RABGAP1: variants seen among roughly 807,000 people sequenced by gnomAD.
The protein encoded by RABGAP1 is RAB GTPase activating protein 1.
In RABGAP1, 23 loss-of-function variants were observed where a neutral mutation model predicts 137.6. The observed-to-expected ratio is 0.17, with a 90% CI of 0.12 to 0.24. The LOEUF (loss-of-function observed/expected upper bound fraction) is 0.24. Among genes scored for constraint, RABGAP1 ranks in the 10% least tolerant of loss-of-function variants. The probability of loss-of-function intolerance (pLI) is 1.00; values close to 1 mark genes in which losing one functional copy is unlikely to be tolerated. For missense variants in RABGAP1, 906 were observed against 1,275.8 expected, an observed-to-expected ratio of 0.71 and a Z score of 4.42; for synonymous variants, 451 against 450.7, an observed-to-expected ratio of 1.00 and a Z score of -0.01.
rs533503596 is a variant in RABGAP1 at position 123,070,032 on chromosome 9, A to G, written c.1909-318A>G. ...AAGGAAGAGTGCATGTTTGAGGCAG[A>G]GAGGGAAAGGACATCCCAAGGAGAG... is the stretch of plus-strand genomic sequence containing the variant. On this transcript the variant is annotated intron_variant, in intron 14 of 25. Coordinates refer to ENST00000373647, the MANE Select transcript of RABGAP1 (RefSeq NM_012197.4). This position sits in a 1 kb window ranked among gnomAD's most constrained non-coding sequence, Gnocchi z 4.4. Among the ~76,000 whole-genome samples, 2 of 152,328 alleles carry G rather than the reference A, an allele frequency of 1.3e-5. No homozygotes were observed. Among genetic ancestry groups the G allele is most frequent in the South Asian group, 4.1e-4 (2 of 4,828 alleles).
chr9:122,992,824 C>T (rs1201094244), intron 6 of RABGAP1, among the ~76,000 whole-genome samples: 2 of 149,246 alleles, frequency 1.3e-5, no homozygotes, highest in Admixed American at 6.7e-5. Flanking sequence ...AATATTATAC[C>T]TAAATAATTA....
intron 1 of RABGAP1, among the ~76,000 whole-genome samples, chr9:122,951,634 C>T (rs930028473): frequency 1.3e-5 from 2 of 151,650 alleles, no homozygotes; most frequent in African/African-American, 4.8e-5. Context: ...GCAGTGTCTC[C>T]ATCATAGTTC....
intron 19 of RABGAP1, among the ~76,000 whole-genome samples, chr9:123,079,181 T>C (rs1342595896): frequency 6.6e-6 from 1 of 152,012 alleles, no homozygotes; most frequent in Non-Finnish European, 1.5e-5. Flanking sequence ...TTGTTTCTTT[T>C]TTAAATTTGT....
At chr9:123,054,116 A>G (rs2033599844) in intron 13 of RABGAP1, among the ~76,000 whole-genome samples, 2 of 152,246 alleles carry the variant, frequency 1.3e-5, no homozygotes, top group Admixed American at 6.5e-5. Flanking sequence ...TATCTGCACA[A>G]TCTATTTTAG....
chr9:122,986,943 C>T (rs1836401794), intron 4 of RABGAP1, among the ~76,000 whole-genome samples: 1 of 152,040 alleles, frequency 6.6e-6, no homozygotes, highest in Non-Finnish European at 1.5e-5. Flanking sequence ...GCCTGGGCAG[C>T]CTGGGCAACA....
chr9:122,938,797 C>T (rs1287123770), upstream of RABGAP1: 2 of 152,084 alleles, frequency 1.3e-5, no homozygotes, highest in African/African-American at 4.8e-5. Context: ...TGACTTGAAT[C>T]CACTGAGTCT....
chr9:123,012,863 C>T (rs1335626024), intron 11 of RABGAP1, among the ~76,000 whole-genome samples: 3 of 152,184 alleles, frequency 2.0e-5, no homozygotes, highest in Non-Finnish European at 4.4e-5. Context: ...TTTTAATTCT[C>T]CCTAACGCAG....
chr9:122,990,478 A>T (rs1259584673), intron 6 of RABGAP1: 2 of 226,292 alleles, frequency 8.8e-6, no homozygotes, highest in Non-Finnish European at 1.7e-5. Context: ...TCACAAAAAT[A>T]TGGCCAAACC....
At chr9:122,996,244 C>A in intron 7 of RABGAP1, 93 bp downstream of exon 7, 1 of 1,454,452 alleles carries the variant, frequency 6.9e-7, no homozygotes, top group South Asian at 1.5e-5. Context: ...AATGTATTTC[C>A]AAAGAATTTT....
chr9:123,104,089 T>C lies in RABGAP1; in HGVS notation c.*876T>C, dbSNP rs911951220. 2.0e-5 allele frequency: 3 copies of C among 152,528 alleles called. No individual in the cohort carries two copies. The highest frequency in any genetic ancestry group is 7.2e-5 in the African/African-American group (3 of 41,404). 9.4% of individuals were successfully genotyped at this position (152,528 alleles called of 1,614,324 possible). ...ACTGCTGATCTGCACAATTTAATTATGTGGTTATTCGAGCACTTAATTTCA... is the reference window on the plus strand; with the variant it reads ...ACTGCTGATCTGCACAATTTAATTACGTGGTTATTCGAGCACTTAATTTCA... On this transcript the variant is annotated 3_prime_UTR_variant, in exon 26 of 26. Coordinates refer to ENST00000373647, the MANE Select transcript of RABGAP1 (RefSeq NM_012197.4).
At chr9:123,005,558 G>A (rs752130415) in intron 10 of RABGAP1, among the ~76,000 whole-genome samples, 1 of 151,896 alleles carries the variant, frequency 6.6e-6, no homozygotes, top group Non-Finnish European at 1.5e-5. Flanking sequence ...TATATCCTGG[G>A]GATCATTCCA....
At position 123,097,354 on chromosome 9, in the gene RABGAP1, G is replaced by A. The variant is rs972531462; in HGVS notation, c.2629-387G>A. On this transcript the variant is annotated intron_variant, in intron 21 of 25. Coordinates refer to ENST00000373647, the MANE Select transcript of RABGAP1 (RefSeq NM_012197.4). ...AGAAAACCAGTTTATTAATAATAAT[G>A]ATGGCTACCTTTTATTGGTGTTTAC... Among the ~76,000 whole-genome samples the A allele has an allele frequency of 7.9e-5, 12 of 152,328 alleles. No homozygotes were observed. In the East Asian group the frequency reaches 9.6e-4, roughly 12 times the overall value.
At chr9:122,980,883 A>G (rs1268690322) in intron 2 of RABGAP1, among the ~76,000 whole-genome samples, 1 of 152,120 alleles carries the variant, frequency 6.6e-6, no homozygotes. Context: ...AGGGATTTGC[A>G]TTTTCAGAAA....
rs542027642 is a variant in RABGAP1, at chr9:122,972,857, C to A, written c.151-11628C>A. Among the ~76,000 whole-genome samples the A allele has an allele frequency of 8.6e-5, 13 of 151,828 alleles. No individual in the cohort carries two copies. The Middle Eastern group carries it at 0.01, about 120-fold the overall frequency. The stretch of plus-strand genomic sequence containing the variant: ...GTTATAGAAAACATAAAGGTATGGC[C>A]GGGCGTGATGGCTCACACCTGTAAT... On this transcript the variant is annotated intron_variant, in intron 2 of 25. Transcript: ENST00000373647.
rs145672152 is a variant in RABGAP1, at chr9:122,958,789, A to G, written c.150+1580A>G. Among the ~76,000 whole-genome samples, 734 of 152,212 alleles carry G rather than the reference A, an allele frequency of 4.8e-3. 6 individuals are homozygous for G. Among genetic ancestry groups the G allele is most frequent in the African/African-American group, 0.016 (678 of 41,538 alleles). On this transcript the variant is annotated intron_variant, in intron 2 of 25. Transcript: ENST00000373647. ...TTTGGGAGGCCTTGGCAAATGAATC[A>G]CTTGAGCCTAGGAGTTGGAGACCAG... is the stretch of plus-strand genomic sequence containing the variant.
At chr9:123,079,998 G>T (rs2034657875) in intron 19 of RABGAP1, among the ~76,000 whole-genome samples, 1 of 152,212 alleles carries the variant, frequency 6.6e-6, no homozygotes, top group Admixed American at 6.5e-5. Flanking sequence ...TAAATACACT[G>T]TTGAGTGTCT....
intron 19 of RABGAP1, among the ~76,000 whole-genome samples, chr9:123,085,762 T>C (rs1337281754): frequency 1.3e-5 from 2 of 152,220 alleles, no homozygotes; most frequent in African/African-American, 4.8e-5. Context: ...TGAAACGCGT[T>C]AGGAATTTCA....
chr9:123,035,045 T>C, intron 13 of RABGAP1: 6 of 1,614,058 alleles, frequency 3.7e-6, no homozygotes, highest in Non-Finnish European at 4.2e-6. Flanking sequence ...TCGACCCTGG[T>C]CTTCCTGCCT....
intron 19 of RABGAP1, among the ~76,000 whole-genome samples, chr9:123,082,035 C>CA (rs897061111): frequency 2.0e-5 from 3 of 151,088 alleles, no homozygotes; most frequent in Non-Finnish European, 4.4e-5. Context: ...GTGTGTTGCT[C>CA]AAAAATGTCT....
Sources: gnomAD v4.1 joint callset for allele counts (sites outside exome capture counted in the v4.1 genomes callset) on GRCh38, gnomAD v4.1.1 for gene constraint, Gnocchi (gnomAD v3.1) non-coding constraint, MANE v1.5 for transcripts, NCBI Gene and HGNC (gene_info 2026-07-23, HGNC 2026-07-21) for gene names.